The following TASP1 variants were observed in gnomAD, a reference collection of about 807,000 sequenced individuals.
The protein encoded by TASP1 is threonine aspartase 1.
TASP1 carries 16 observed loss-of-function variants against 56.6 expected under a neutral mutation model. The observed-to-expected ratio is 0.28, with a 90% CI of 0.19 to 0.43. The LOEUF (loss-of-function observed/expected upper bound fraction) is 0.43, where lower values mean the gene tolerates loss of function less well. TASP1 is among the 20% of genes least tolerant of loss of function. TASP1 has a pLI of 1.00. For synonymous variants in TASP1, 179 were observed against 184.2 expected (o/e 0.97, Z 0.23); for missense variants, 393 against 511.6 (o/e 0.77, Z 2.24).
intron 4 of TASP1, among the ~76,000 whole-genome samples, chr20:13,606,693 G>A (rs1466934015): frequency 2.0e-5 from 3 of 151,686 alleles, no homozygotes; most frequent in Admixed American, 6.6e-5. Flanking sequence ...TGTAGTCCCA[G>A]CTACTCGGGA....
chr20:13,379,360 C>T, the TASP1 span, among the ~76,000 whole-genome samples: 2 of 152,182 alleles, frequency 1.3e-5, no homozygotes, highest in Admixed American at 6.5e-5. Context: ...ATATGAAATT[C>T]TGGGTTGAAA....
chr20:13,502,584 A>C (rs1046510453), intron 10 of TASP1, among the ~76,000 whole-genome samples: 1 of 152,196 alleles, frequency 6.6e-6, no homozygotes, highest in African/African-American at 2.4e-5. Flanking sequence ...GGAATGATAC[A>C]CAAATTTCAA....
At chr20:13,417,561 C>T in intron 12 of TASP1, 40 bp from the exon 13 acceptor site, 1 of 1,605,382 alleles carries the variant, frequency 6.2e-7, no homozygotes, top group Non-Finnish European at 8.5e-7. Context: ...ATTCAGATCA[C>T]AGATGGAAAA....
intron 8 of TASP1, among the ~76,000 whole-genome samples, chr20:13,555,595 C>T (rs1032418660): frequency 1.3e-5 from 2 of 152,100 alleles, no homozygotes; most frequent in Non-Finnish European, 2.9e-5. Flanking sequence ...CTTGCTACTT[C>T]CACCACATCC....
At chr20:13,241,596 G>T in the TASP1 span, among the ~76,000 whole-genome samples, 1 of 152,118 alleles carries the variant, frequency 6.6e-6, no homozygotes. Flanking sequence ...TAATAAAAGA[G>T]TTACCATCTC....
Position 13,401,122 on chromosome 20 carries a change from G to A in TASP1, c.1171-10670C>T, listed in dbSNP as rs552453360. Among the ~76,000 whole-genome samples the A allele has an allele frequency of 1.1e-4, 16 of 152,280 alleles. 1 individual carries two copies. In the South Asian group the frequency reaches 2.9e-3, roughly 28 times the overall value. ...AACCAATCACTGCCACATAGGAAGT[G>A]GGTCCCAGTGTTGCCAAATCATCTG... On this transcript the variant is annotated intron_variant, in intron 13 of 13. Coordinates refer to ENST00000337743, the MANE Select transcript of TASP1 (RefSeq NM_017714.3).
At position 13,497,655 on chromosome 20, in the gene TASP1, C is replaced by T. The variant is rs527534635; in HGVS notation, c.875-14318G>A. 1.5e-4 allele frequency among the ~76,000 whole-genome samples: 23 copies of T among 152,088 alleles called. No individual in the cohort carries two copies. In the South Asian group the frequency reaches 1.7e-3, roughly 11 times the overall value. On this transcript the variant is annotated intron_variant, in intron 10 of 13. Coordinates refer to ENST00000337743, the MANE Select transcript of TASP1 (RefSeq NM_017714.3). ...AATATCTCAAGCCAGCATATGGAAA[C>T]AAAAAAGAGCCCAAAGAGACAGGGC...
chr20:13,194,397 T>G, the TASP1 span, among the ~76,000 whole-genome samples: 1 of 152,174 alleles, frequency 6.6e-6, no homozygotes, highest in African/African-American at 2.4e-5. Flanking sequence ...GGGCATTTGG[T>G]GTAGAGTACC....
At chr20:13,629,899 T>C (rs200710680) in intron 2 of TASP1, 35 bp downstream of exon 2, 2 of 1,610,270 alleles carry the variant, frequency 1.2e-6, no homozygotes, top group Non-Finnish European at 1.7e-6. Flanking sequence ...AAAATCAACA[T>C]TATTGGCATC....
chr20:13,107,238 T>G, the TASP1 span, among the ~76,000 whole-genome samples: 1 of 152,140 alleles, frequency 6.6e-6, no homozygotes, highest in Non-Finnish European at 1.5e-5. Flanking sequence ...GTTACCCAGA[T>G]GATTATTTCT....
intron 4 of TASP1, among the ~76,000 whole-genome samples, chr20:13,620,536 G>A (rs1284871187): frequency 6.6e-6 from 1 of 152,000 alleles, no homozygotes; most frequent in East Asian, 1.9e-4. Context: ...AATATAACGG[G>A]CAAGTTTTTA....
chr20:13,257,988 G>A, the TASP1 span, among the ~76,000 whole-genome samples: 2 of 152,076 alleles, frequency 1.3e-5, no homozygotes, highest in African/African-American at 4.8e-5. Flanking sequence ...GGGCCTCTCA[G>A]CCTTAATTTC....
At chr20:13,383,185 A>G in the TASP1 span, among the ~76,000 whole-genome samples, 1 of 152,236 alleles carries the variant, frequency 6.6e-6, no homozygotes, top group Admixed American at 6.5e-5. Flanking sequence ...GGTTTTGAGC[A>G]GACAGGTGCC....
intron 10 of TASP1, among the ~76,000 whole-genome samples, chr20:13,523,896 T>C (rs1241799328): frequency 2.0e-5 from 3 of 152,090 alleles, no homozygotes; most frequent in Admixed American, 6.6e-5. Context: ...ACTCACTGTT[T>C]CCAGCACTTT....
At chr20:13,173,805 T>C in the TASP1 span, among the ~76,000 whole-genome samples, 4 of 152,338 alleles carry the variant, frequency 2.6e-5, no homozygotes, top group East Asian at 7.7e-4. Context: ...GAATTGCCTC[T>C]TTTAAAATTT....
intron 11 of TASP1, among the ~76,000 whole-genome samples, chr20:13,471,721 A>G (rs1160851243): frequency 6.6e-6 from 1 of 152,188 alleles, no homozygotes; most frequent in Non-Finnish European, 1.5e-5. Flanking sequence ...ATGGCCAAAC[A>G]GGAACAGCTC....
the TASP1 span, among the ~76,000 whole-genome samples, chr20:13,112,677 A>C: frequency 1.3e-5 from 2 of 152,148 alleles, no homozygotes; most frequent in Admixed American, 1.3e-4. Flanking sequence ...CATTTCACCC[A>C]CACAGGAATG....
intron 13 of TASP1, among the ~76,000 whole-genome samples, chr20:13,414,064 G>A (rs1199218056): frequency 6.6e-6 from 1 of 152,082 alleles, no homozygotes; most frequent in Non-Finnish European, 1.5e-5. Context: ...TGCATTTATA[G>A]CATTTTTCTG....
the TASP1 span, among the ~76,000 whole-genome samples, chr20:13,235,936 T>G: frequency 1.3e-5 from 2 of 151,912 alleles, no homozygotes; most frequent in East Asian, 3.9e-4. Flanking sequence ...CCTTTTTTCT[T>G]TTTTTTGAAA....
Sources: allele counts gnomAD v4.1 joint callset (sites outside exome capture counted in the v4.1 genomes callset), GRCh38; gene constraint gnomAD v4.1.1; transcripts MANE v1.5; gene names NCBI Gene and HGNC (gene_info 2026-07-23, HGNC 2026-07-21).